Variants in TJP2 observed in about 807,000 individuals in gnomAD.
TJP2 encodes Friedreich ataxia region gene X104 (tight junction protein ZO-2).
In TJP2, 91 loss-of-function variants were observed where a neutral mutation model predicts 133.1. That is an observed-to-expected ratio of 0.68 (90% CI 0.58 to 0.81). The LOEUF (loss-of-function observed/expected upper bound fraction) is 0.81. Ranked by LOEUF, TJP2 falls within the 40% of genes least tolerant of loss-of-function variation. TJP2 has a pLI of 0.00. For missense variants in TJP2, 1,541 were observed against 1,565.6 expected (o/e 0.98, Z 0.26); for synonymous variants, 592 against 583.4 (o/e 1.01, Z -0.21).
At chr9:69,230,357 T>C in intron 11 of TJP2, 125 bp downstream of exon 11, 2 of 1,219,778 alleles carry the variant, frequency 1.6e-6, no homozygotes, top group Non-Finnish European at 2.4e-6. Flanking sequence ...AGTTTGTTGA[T>C]GCCCAGCATT....
rs768775238 is a variant in TJP2 at position 69,230,066 on chromosome 9, A to G, written c.1521-16A>G. 1 of 1,614,092 alleles carries G rather than the reference A, an allele frequency of 6.2e-7. No homozygotes were observed. The highest frequency in any genetic ancestry group is 1.1e-5 in the South Asian group (1 of 91,086). ...ATATCTCCCATCTTTCCTTTCTGAA[A>G]CGGAACCTATTGCAGCCCTAATACC... On this transcript the variant is annotated splice_polypyrimidine_tract_variant and intron_variant, in intron 10 of 22. Coordinates refer to ENST00000377245, the MANE Select transcript of TJP2 (RefSeq NM_004817.4).
chr9:69,220,223 T>C (rs181747699), intron 4 of TJP2, among the ~76,000 whole-genome samples: 102 of 152,338 alleles, frequency 6.7e-4, no homozygotes, highest in African/African-American at 2.2e-3. Flanking sequence ...TGCATAGTTA[T>C]AGGGTATGTG....
At chr9:69,226,327 T>A (rs1829347288) in intron 7 of TJP2, 152 bp downstream of exon 7, 1 of 895,816 alleles carries the variant, frequency 1.1e-6, no homozygotes, top group Non-Finnish European at 1.7e-6. Context: ...GGTTGGTTGT[T>A]ATTTGCTTAT....
chr9:69,177,655 T>C (rs1825195774), intron 1 of TJP2, among the ~76,000 whole-genome samples: 1 of 152,076 alleles, frequency 6.6e-6, no homozygotes, highest in South Asian at 2.1e-4. Flanking sequence ...TTTTTGGTTT[T>C]TTTTTTGGAG....
chr9:69,157,441 A>AGT (rs1471033554), intron 2 of TJP2, among the ~76,000 whole-genome samples: 2 of 151,298 alleles, frequency 1.3e-5, no homozygotes, highest in Non-Finnish European at 2.9e-5. Flanking sequence ...AGAGGCTAGA[A>AGT]GTCTGAACTC....
chr9:69,248,027 G>T lies in TJP2; in HGVS notation c.2683G>T (p.Asp895Tyr), dbSNP rs747369360. The T allele has an allele frequency of 2.2e-5, 36 of 1,607,908 alleles. No individual in the cohort carries two copies. Among genetic ancestry groups the T allele is most frequent in the Non-Finnish European group, 1.4e-5 (17 of 1,175,712 alleles). ...VSEGKMEGMD[D>Y]DPEDRMSYLT... The stretch of plus-strand genomic sequence containing the variant: ...ATTCCTCTAGATGGAAGGGATGGAT[G>T]ATGACCCCGAAGACCGCATGTCCTA... Residue 895 changes from aspartate (D) to tyrosine (Y), a missense_variant, in exon 19 of 23, where the codon GAT becomes TAT. Coordinates refer to ENST00000377245, the MANE Select transcript of TJP2 (RefSeq NM_004817.4).
At chr9:69,169,371 G>C (rs868072110), upstream of TJP2, among the ~76,000 whole-genome samples, 1,415 of 146,082 alleles carry the variant, frequency 9.7e-3, 12 homozygotes, top group Middle Eastern at 0.018. Flanking sequence ...TTTTTTTTTG[G>C]GGGGGGGATG....
At chr9:69,156,926 G>T (rs1366453548) in intron 2 of TJP2, among the ~76,000 whole-genome samples, 1 of 152,158 alleles carries the variant, frequency 6.6e-6, no homozygotes, top group African/African-American at 2.4e-5. Context: ...GGTACCTAGG[G>T]GCTGCCAGGT....
At chr9:69,150,171 C>T (rs957441063) in intron 1 of TJP2, among the ~76,000 whole-genome samples, 1 of 151,880 alleles carries the variant, frequency 6.6e-6, no homozygotes, top group African/African-American at 2.4e-5. Flanking sequence ...TAAACACAAG[C>T]CAGTGTTATA....
chr9:69,182,245 C>A (rs188215338), intron 1 of TJP2, among the ~76,000 whole-genome samples: 3 of 152,276 alleles, frequency 2.0e-5, no homozygotes, highest in African/African-American at 7.2e-5. Flanking sequence ...TTGGGCTGGT[C>A]TGTTTAGTGT....
Position 69,247,765 on chromosome 9 carries a change from G to A in TJP2, c.2668-247G>A, listed in dbSNP as rs150947360. 2.6e-5 allele frequency among the ~76,000 whole-genome samples: 4 copies of A among 152,228 alleles called. No individual in the cohort carries two copies. The East Asian group carries it at 5.8e-4, about 22-fold the overall frequency. ...GACTGAGAAAGTGTGGCTTAGCCGC[G>A]GTATGGAGGATGGATGGTAGCACAG... On this transcript the variant is annotated intron_variant, in intron 18 of 22. Coordinates refer to ENST00000377245, the MANE Select transcript of TJP2 (RefSeq NM_004817.4).
chr9:69,236,027 G>C lies in TJP2; in HGVS notation c.1781-1G>C, dbSNP rs755393175. Reference sequence around the variant, plus strand: ...CAACAAACGATGCTTTTGTCTTTCAGTGTATAGAGACATCCTGGCTTGTGG... The same window carrying C: ...CAACAAACGATGCTTTTGTCTTTCACTGTATAGAGACATCCTGGCTTGTGG... On this transcript the variant is annotated splice_acceptor_variant, in intron 12 of 22. Coordinates refer to ENST00000377245, the MANE Select transcript of TJP2 (RefSeq NM_004817.4). LOFTEE classifies it high-confidence loss of function. 6.2e-7 allele frequency: 1 copy of C among 1,614,100 alleles called. No homozygotes were observed. Among genetic ancestry groups the C allele is most frequent in the Admixed American group, 1.7e-5 (1 of 60,028 alleles).
At chr9:69,149,462 A>G (rs1447784662) in intron 1 of TJP2, among the ~76,000 whole-genome samples, 1 of 152,190 alleles carries the variant, frequency 6.6e-6, no homozygotes, top group African/African-American at 2.4e-5. Flanking sequence ...GCCTTTGCCT[A>G]CATTTCCTGC....
In TJP2 at chr9:69,248,168, G is replaced by A. The variant is rs766312893; in HGVS notation, c.2824G>A (p.Glu942Lys). 5.0e-5 allele frequency: 81 copies of A among 1,613,084 alleles called. No individual in the cohort carries two copies. The highest frequency in any genetic ancestry group is 5.9e-5 in the Non-Finnish European group (70 of 1,179,686). ...YTDNELDEPA[E>K]EPLVSSITRS... is the part of the protein sequence containing the mutation. ...TGACAATGAGCTGGATGAGCCAGCC[G>A]AGGAGCCGCTGGTGTCGTCCATCAC... is the stretch of plus-strand genomic sequence containing the variant. Residue 942 changes from glutamate (E) to lysine (K), a missense_variant, in exon 19 of 23, where the codon GAG becomes AAG. Transcript: ENST00000377245.
rs762602628 is a variant in TJP2 at position 69,251,293 on chromosome 9, A to G, written c.3250A>G (p.Ile1084Val). 6.2e-7 allele frequency: 1 copy of G among 1,614,194 alleles called. No homozygotes were observed. ...CAAATCAGTCCTGGGCAAAGTCAAAATATTTGAGAAGATGGATCACAAGGC... is the reference window on the plus strand; with the variant it reads ...CAAATCAGTCCTGGGCAAAGTCAAAGTATTTGAGAAGATGGATCACAAGGC... ...APKSVLGKVK[I>V]FEKMDHKARL... The change falls in exon 21 of 23, where the codon ATA becomes GTA. Residue 1084 changes from isoleucine to valine, a missense_variant. Ile to Val is a conservative substitution (Grantham distance 29). Transcript: ENST00000377245.
intron 16 of TJP2, among the ~76,000 whole-genome samples, chr9:69,239,137 G>A (rs765690753): frequency 3.3e-5 from 5 of 152,064 alleles, no homozygotes; most frequent in Non-Finnish European, 5.9e-5. Flanking sequence ...TGCAGTGAGC[G>A]GAGATTGCAC....
intron 1 of TJP2, among the ~76,000 whole-genome samples, chr9:69,199,092 A>G (rs180945635): frequency 6.6e-6 from 1 of 152,322 alleles, no homozygotes; most frequent in Non-Finnish European, 1.5e-5. Flanking sequence ...GTTAAAACCA[A>G]TTTCCTGGGG....
chr9:69,148,668 C>T (rs1006379581), intron 1 of TJP2, among the ~76,000 whole-genome samples: 17 of 152,172 alleles, frequency 1.1e-4, no homozygotes, highest in African/African-American at 3.9e-4. Context: ...CCGCCCCCCT[C>T]TGTAATACTT....
At chr9:69,213,814 G>A (rs1828130536) in intron 2 of TJP2, among the ~76,000 whole-genome samples, 1 of 152,128 alleles carries the variant, frequency 6.6e-6, no homozygotes. Context: ...TTTTAGGCTT[G>A]GCATAGAGGA....
Sources: gnomAD v4.1 joint callset for allele counts (sites outside exome capture counted in the v4.1 genomes callset) on GRCh38, gnomAD v4.1.1 for gene constraint, MANE v1.5 for transcripts, NCBI Gene and HGNC (gene_info 2026-07-23, HGNC 2026-07-21) for gene names.